MTHFD1L: variants seen among roughly 807,000 people sequenced by gnomAD.
The protein encoded by MTHFD1L is monofunctional C1-tetrahydrofolate synthase, mitochondrial.
A neutral mutation model predicts 119.5 loss-of-function variants in MTHFD1L; 81 were observed. The observed-to-expected ratio is 0.68, with a 90% CI of 0.57 to 0.82. The LOEUF is 0.82. Among genes scored for constraint, MTHFD1L ranks in the 40% least tolerant of loss-of-function variants. The pLI is 0.00. For missense variants in MTHFD1L, 1,125 were observed against 1,253.4 expected (o/e 0.90, Z 1.55); for synonymous variants, 430 against 475.2 (o/e 0.90, Z 1.24).
intron 16 of MTHFD1L, among the ~76,000 whole-genome samples, chr6:150,953,360 T>A (rs1403002782): frequency 6.6e-6 from 1 of 151,840 alleles, no homozygotes; most frequent in African/African-American, 2.4e-5. Context: ...AGCAAACAGA[T>A]CTCCCCCGGC....
intron 27 of MTHFD1L, chr6:151,099,543 C>T: frequency 6.2e-7 from 1 of 1,603,762 alleles, no homozygotes; most frequent in South Asian, 1.1e-5. Context: ...CCCTCAGACC[C>T]CTTGTGAAGC....
chr6:150,928,163 C>T lies in MTHFD1L; in HGVS notation c.1256+1868C>T, dbSNP rs146569408. ...AATATTATCCAAAACAGGCCAAGCG[C>T]GGTGGCTCACACCTGTAATCCCAGC... On this transcript the variant is annotated intron_variant, in intron 11 of 27. Coordinates refer to ENST00000367321, the MANE Select transcript of MTHFD1L (RefSeq NM_015440.5). 5.5e-3 allele frequency among the ~76,000 whole-genome samples: 839 copies of T among 152,122 alleles called. 10 individuals carry two copies. Among genetic ancestry groups the T allele is most frequent in the African/African-American group, 0.019 (787 of 41,512 alleles).
chr6:150,957,112 G>C (rs1795763964), intron 17 of MTHFD1L, among the ~76,000 whole-genome samples: 1 of 152,186 alleles, frequency 6.6e-6, no homozygotes. Flanking sequence ...GCTAAAGTGG[G>C]AGCTTTATAA....
chr6:151,067,225 C>T (rs1791411043), intron 26 of MTHFD1L, among the ~76,000 whole-genome samples: 1 of 151,808 alleles, frequency 6.6e-6, no homozygotes, highest in South Asian at 2.1e-4. Context: ...AACTCCTGAC[C>T]TCATGAGCCA....
intron 24 of MTHFD1L, among the ~76,000 whole-genome samples, chr6:151,032,862 T>C (rs1005832284): frequency 1.3e-5 from 2 of 152,194 alleles, no homozygotes; most frequent in Non-Finnish European, 2.9e-5. Context: ...ACTGTAGTAA[T>C]GAAAAACACG....
chr6:150,933,551 G>A (rs1313983323), intron 11 of MTHFD1L, among the ~76,000 whole-genome samples: 1 of 152,106 alleles, frequency 6.6e-6, no homozygotes, highest in Non-Finnish European at 1.5e-5. Flanking sequence ...CCGGGGTCAT[G>A]TGGCTTCAGG....
At chr6:151,041,688 A>G (rs1194265021) in intron 26 of MTHFD1L, 1 of 447,240 alleles carries the variant, frequency 2.2e-6, no homozygotes, top group East Asian at 6.9e-5. Flanking sequence ...AGGCCTTATG[A>G]TAGACTCCAG....
chr6:150,927,048 C>T (rs2128911585), intron 11 of MTHFD1L, among the ~76,000 whole-genome samples: 1 of 152,260 alleles, frequency 6.6e-6, no homozygotes, highest in East Asian at 1.9e-4. Context: ...GCTTCAGGCA[C>T]AAAACCTATT....
chr6:150,916,955 T>G (rs1037304535), intron 8 of MTHFD1L, among the ~76,000 whole-genome samples: 1 of 150,706 alleles, frequency 6.6e-6, no homozygotes, highest in Non-Finnish European at 1.5e-5. Flanking sequence ...GAGATGGGGT[T>G]TCTCCATGTT....
Position 151,015,605 on chromosome 6 carries a change from T to C in MTHFD1L, c.2498T>C (p.Val833Ala), listed in dbSNP as rs1466422065. 1.9e-6 allele frequency: 3 copies of C among 1,613,932 alleles called. No individual in the cohort carries two copies. The highest frequency in any genetic ancestry group is 2.5e-6 in the Non-Finnish European group (3 of 1,180,012). Residue 833 changes from valine (V) to alanine (A), a missense_variant, in exon 24 of 28, where the codon GTT (valine) becomes GCT (alanine). Physicochemically the swap from Val to Ala is moderately conservative, Grantham distance 64. Transcript: ENST00000367321. ...GCAGTCCCCTGCTATCACTGGTCCG[T>C]TGGTGGAAAAGGATCGGTGGACTTG... ...FDAVPCYHWSVGGKGSVDLAR... is the reference protein window; with the variant it reads ...FDAVPCYHWSAGGKGSVDLAR...
intron 26 of MTHFD1L, among the ~76,000 whole-genome samples, chr6:151,084,620 TC>T (rs1793543384): frequency 6.6e-6 from 1 of 152,052 alleles, no homozygotes; most frequent in African/African-American, 2.4e-5. Flanking sequence ...AAAGTCAAAC[TC>T]CAGAACTGTG....
intron 19 of MTHFD1L, among the ~76,000 whole-genome samples, chr6:150,970,284 TG>T (rs953643616): frequency 2.0e-5 from 3 of 152,218 alleles, no homozygotes; most frequent in African/African-American, 7.2e-5. Flanking sequence ...TATCATGTAT[TG>T]CCAGACTGAG....
At chr6:150,951,773 G>T (rs756859322) in intron 16 of MTHFD1L, among the ~76,000 whole-genome samples, 1 of 150,854 alleles carries the variant, frequency 6.6e-6, no homozygotes, top group Non-Finnish European at 1.5e-5. Context: ...ATGTCATCAT[G>T]TCCAAAATGT....
chr6:151,079,813 A>G (rs1437965258), intron 26 of MTHFD1L, among the ~76,000 whole-genome samples: 1 of 151,528 alleles, frequency 6.6e-6, no homozygotes, highest in Non-Finnish European at 1.5e-5. Context: ...GTTGCATAGT[A>G]AGCCCTAAAG....
chr6:150,873,199 C>A (rs1243456513), intron 1 of MTHFD1L, among the ~76,000 whole-genome samples: 1 of 152,022 alleles, frequency 6.6e-6, no homozygotes, highest in Non-Finnish European at 1.5e-5. Flanking sequence ...CCAGTAGTCC[C>A]AGCTACTCAG....
intron 26 of MTHFD1L, among the ~76,000 whole-genome samples, chr6:151,090,434 A>G (rs902609646): frequency 3.7e-4 from 56 of 152,222 alleles, no homozygotes; most frequent in Non-Finnish European, 1.2e-4. Context: ...CAAATGCAGC[A>G]GGTCTGGGGT....
intron 13 of MTHFD1L, among the ~76,000 whole-genome samples, chr6:150,940,612 G>A (rs570603457): frequency 1.6e-4 from 24 of 151,886 alleles, no homozygotes; most frequent in African/African-American, 5.3e-4. Flanking sequence ...ATGGAGTCTC[G>A]CTCTGTCACC....
chr6:150,880,757 C>G (rs1781276714), intron 4 of MTHFD1L, among the ~76,000 whole-genome samples: 1 of 152,194 alleles, frequency 6.6e-6, no homozygotes, highest in African/African-American at 2.4e-5. Context: ...ATATCCTCGC[C>G]AGCATTTGTT....
chr6:151,084,280 T>A (rs1292865144), intron 26 of MTHFD1L, among the ~76,000 whole-genome samples: 3 of 152,206 alleles, frequency 2.0e-5, no homozygotes, highest in Non-Finnish European at 4.4e-5. Flanking sequence ...GGCCCGGAAC[T>A]GCTCACATGG....
Sources: gnomAD v4.1 joint callset for allele counts (sites outside exome capture counted in the v4.1 genomes callset) on GRCh38, gnomAD v4.1.1 for gene constraint, MANE v1.5 for transcripts, NCBI Gene and HGNC (gene_info 2026-07-23, HGNC 2026-07-21) for gene names.